Variants in KCNG2 observed in about 807,000 individuals in gnomAD.
The protein encoded by KCNG2 is voltage-gated potassium channel regulatory subunit KCNG2.
KCNG2 carries 7 observed loss-of-function variants against 12.3 expected under a neutral mutation model. That is an observed-to-expected ratio of 0.57 (90% CI 0.32 to 1.07). The LOEUF (loss-of-function observed/expected upper bound fraction) is 1.07. KCNG2 is among the 50% of genes least tolerant of loss of function. The pLI is 0.04. For synonymous variants in KCNG2, 414 were observed against 351.4 expected (o/e 1.18, Z -1.99); for missense variants, 703 against 726.0 (o/e 0.97, Z 0.36).
chr18:79,874,036 C>T (rs1979969940), intron 3 of KCNG2, among the ~76,000 whole-genome samples: 1 of 152,250 alleles, frequency 6.6e-6, no homozygotes, highest in Non-Finnish European at 1.5e-5. Flanking sequence ...GATCCGGTTA[C>T]AGCCTCAGGT....
At chr18:79,854,225 C>T (rs1978926794) in intron 1 of KCNG2, among the ~76,000 whole-genome samples, 1 of 152,228 alleles carries the variant, frequency 6.6e-6, no homozygotes, top group African/African-American at 2.4e-5. Flanking sequence ...CTCACTGTCC[C>T]AGCCCCGTTC....
Position 79,899,405 on chromosome 18 carries a change from C to A in KCNG2, c.990C>A (p.Cys330Ter). 6.3e-7 allele frequency: 1 copy of A among 1,582,062 alleles called. No homozygotes were observed. The highest frequency in any genetic ancestry group is 1.8e-5 in the Admixed American group (1 of 56,454). The part of the protein sequence containing the change: ...REFGLLLLFL[C>*]VAMALFAPLV... ...TCGGGCTGCTGCTGCTGTTCCTCTG[C>A]GTGGCCATGGCGCTCTTCGCGCCAC... The change falls in exon 4 of 4, where the codon TGC (cysteine) becomes TGA (stop). Residue 330 changes from cysteine (C) to a stop codon, truncating the protein, a stop_gained. Coordinates refer to ENST00000316249, the MANE Select transcript of KCNG2 (RefSeq NM_012283.2). LOFTEE classifies it low-confidence loss of function (END_TRUNC).
At chr18:79,805,203 C>T (rs1198491971) in intron 1 of KCNG2, among the ~76,000 whole-genome samples, 1 of 152,196 alleles carries the variant, frequency 6.6e-6, no homozygotes, top group African/African-American at 2.4e-5. Context: ...ACACATTATG[C>T]CAGGTCGTTT....
chr18:79,865,192 GA>G lies in KCNG2; in HGVS notation c.624+902del, dbSNP rs112006808. 2.9e-3 allele frequency among the ~76,000 whole-genome samples: 431 copies of G among 146,908 alleles called. 4 individuals carry two copies. Among genetic ancestry groups the G allele is most frequent in the African/African-American group, 0.011 (418 of 39,430 alleles). On this transcript the variant is annotated intron_variant, in intron 3 of 3. Transcript: ENST00000316249. ...CTGGCTGCTGAGAGGTCTGGGTGCT[GA>G]GATATCTGGCTGCTGAGAGGTCTGT...
chr18:79,818,718 C>T (rs772865644), intron 1 of KCNG2, among the ~76,000 whole-genome samples: 1 of 152,204 alleles, frequency 6.6e-6, no homozygotes, highest in Non-Finnish European at 1.5e-5. Context: ...GAAATCAGTT[C>T]GTACCTGCGA....
intron 1 of KCNG2, among the ~76,000 whole-genome samples, chr18:79,854,254 T>C (rs942950120): frequency 2.0e-5 from 3 of 152,196 alleles, no homozygotes; most frequent in Non-Finnish European, 4.4e-5. Flanking sequence ...CCCCAGCCCC[T>C]GTGTGAGGGC....
In KCNG2 at chr18:79,801,253, TAGCGC is replaced by T. The variant is rs2087407556; in HGVS notation, c.-115+3242_-115+3246del. ...GGCTAATTGAAATGTAATATAAAAATAGCGCAGAAGACCTTTATGTTGCCTTTGTC... is the reference window on the plus strand; with the variant it reads ...GGCTAATTGAAATGTAATATAAAAATAGAAGACCTTTATGTTGCCTTTGTC... On this transcript the variant is annotated intron_variant, in intron 1 of 3. Transcript: ENST00000316249. 2.0e-5 allele frequency among the ~76,000 whole-genome samples: 3 copies of T among 152,240 alleles called. No individual in the cohort carries two copies. The South Asian group carries it at 6.2e-4, about 31-fold the overall frequency.
chr18:79,830,111 G>A (rs1349683906), intron 1 of KCNG2, among the ~76,000 whole-genome samples: 3 of 104,592 alleles, frequency 2.9e-5, no homozygotes, highest in African/African-American at 1.2e-4. Context: ...GTGGGTCCAC[G>A]TGGCCACGAG....
chr18:79,862,554 C>T (rs1979260534), intron 2 of KCNG2, among the ~76,000 whole-genome samples: 1 of 152,208 alleles, frequency 6.6e-6, no homozygotes, highest in Non-Finnish European at 1.5e-5. Context: ...TCAGGGACTT[C>T]TCGGGTTTTT....
chr18:79,891,089 C>T (rs1980728172), intron 3 of KCNG2, among the ~76,000 whole-genome samples: 1 of 152,094 alleles, frequency 6.6e-6, no homozygotes, highest in Non-Finnish European at 1.5e-5. Flanking sequence ...TTTCCTTCCC[C>T]CACCTGCTTT....
rs761580675 is a variant in KCNG2, at chr18:79,863,809, G to A, written c.142G>A (p.Ala48Thr). ...CPLARLERLR[A>T]CRGHDDLLRV... ...CCTCGCGCGCCTGGAGCGCCTGCGC[G>A]CCTGCCGCGGCCACGACGACCTGCT... Residue 48 changes from alanine to threonine, a missense_variant, in exon 3 of 4, where the codon GCC (alanine) becomes ACC (threonine). Ala to Thr is a moderately conservative substitution (Grantham distance 58). Coordinates refer to ENST00000316249, the MANE Select transcript of KCNG2 (RefSeq NM_012283.2). The A allele has an allele frequency of 1.3e-5, 18 of 1,335,048 alleles. No homozygotes were observed. Among genetic ancestry groups the A allele is most frequent in the Middle Eastern group, 2.5e-4 (1 of 3,964 alleles). The allele number at this position is 1,335,048 out of a possible 1,614,324, so 82.7% of individuals were successfully genotyped here. A position where few individuals can be genotyped will look rare whatever the true frequency, so the allele number is the denominator to read the frequency against.
rs201846346 is a variant in KCNG2 at position 79,827,848 on chromosome 18, T to C, written c.-114-28531T>C. Among the ~76,000 whole-genome samples, 12 of 152,234 alleles carry C rather than the reference T, an allele frequency of 7.9e-5. No homozygotes were observed. The East Asian group carries it at 1.9e-3, about 24-fold the overall frequency. On this transcript the variant is annotated intron_variant, in intron 1 of 3. Coordinates refer to ENST00000316249, the MANE Select transcript of KCNG2 (RefSeq NM_012283.2). Reference sequence around the variant, plus strand: ...AGTTTTAACAATGTACCAATTATAATCCTTTTACCTATATGTTTAAACAGA... The same window carrying C: ...AGTTTTAACAATGTACCAATTATAACCCTTTTACCTATATGTTTAAACAGA...
At chr18:79,874,137 G>A (rs116390674) in intron 3 of KCNG2, among the ~76,000 whole-genome samples, 2,123 of 152,290 alleles carry the variant, frequency 0.014, 45 homozygotes, top group African/African-American at 0.046. Context: ...AGCGCCTCCC[G>A]CCTTTCCCCA....
intron 1 of KCNG2, among the ~76,000 whole-genome samples, chr18:79,810,015 C>G (rs1467368153): frequency 6.6e-6 from 1 of 152,232 alleles, no homozygotes; most frequent in Non-Finnish European, 1.5e-5. Flanking sequence ...CAGGGCCAGC[C>G]TCGCGGAGCC....
chr18:79,844,439 G>A (rs1978557616), intron 1 of KCNG2, among the ~76,000 whole-genome samples: 1 of 152,148 alleles, frequency 6.6e-6, no homozygotes, highest in Admixed American at 6.5e-5. Context: ...CAAAGTTTTA[G>A]TTATACAAGA....
At chr18:79,798,283 G>T (rs1469186837) in intron 1 of KCNG2, among the ~76,000 whole-genome samples, 1 of 152,020 alleles carries the variant, frequency 6.6e-6, no homozygotes, top group Non-Finnish European at 1.5e-5. Flanking sequence ...GGGAGTCGAG[G>T]GGGGCGTCGG....
At chr18:79,847,372 G>C (rs1978661354) in intron 1 of KCNG2, among the ~76,000 whole-genome samples, 1 of 152,196 alleles carries the variant, frequency 6.6e-6, no homozygotes. Flanking sequence ...AGCATCCCCA[G>C]TCAAGACAAT....
At chr18:79,895,542 A>G (rs1321102420) in intron 3 of KCNG2, among the ~76,000 whole-genome samples, 2 of 151,286 alleles carry the variant, frequency 1.3e-5, no homozygotes, top group Admixed American at 1.3e-4. Flanking sequence ...TGTTCACTTC[A>G]TTCACATCTA....
At chr18:79,837,570 T>C (rs559707254) in intron 1 of KCNG2, among the ~76,000 whole-genome samples, 9 of 152,368 alleles carry the variant, frequency 5.9e-5, no homozygotes, top group Middle Eastern at 3.4e-3. Flanking sequence ...CACAGATCTC[T>C]ACGGCAGGGG....
Sources: allele counts gnomAD v4.1 joint callset (sites outside exome capture counted in the v4.1 genomes callset), GRCh38; gene constraint gnomAD v4.1.1; transcripts MANE v1.5; gene names NCBI Gene and HGNC (gene_info 2026-07-23, HGNC 2026-07-21).